Variants in GPC5 observed in about 807,000 individuals in gnomAD.
The protein encoded by GPC5 is glypican-5.
GPC5 carries 47 observed loss-of-function variants against 53.9 expected under a neutral mutation model. That is an observed-to-expected ratio of 0.87 (90% CI 0.69 to 1.11). GPC5 has a LOEUF of 1.11. Ranked by LOEUF, GPC5 falls within the 50% of genes most tolerant of loss-of-function variation. GPC5 has a pLI of 0.00. For missense variants in GPC5, 748 were observed against 713.1 expected, an observed-to-expected ratio of 1.05 and a Z score of -0.56; for synonymous variants, 286 against 263.3, an observed-to-expected ratio of 1.09 and a Z score of -0.84.
intron 5 of GPC5, among the ~76,000 whole-genome samples, chr13:91,864,611 G>A (rs2039064603): frequency 6.6e-6 from 1 of 151,998 alleles, no homozygotes; most frequent in Non-Finnish European, 1.5e-5. Context: ...CTAAAAATGA[G>A]CAAAAGTTGT....
chr13:91,564,756 T>C (rs1474364245), intron 2 of GPC5, among the ~76,000 whole-genome samples: 2 of 152,154 alleles, frequency 1.3e-5, no homozygotes, highest in South Asian at 4.1e-4. Context: ...AATATGGGCT[T>C]TTGCAGTCTA....
chr13:92,396,592 C>T (rs972834841), intron 7 of GPC5, among the ~76,000 whole-genome samples: 1 of 151,900 alleles, frequency 6.6e-6, no homozygotes, highest in Non-Finnish European at 1.5e-5. Flanking sequence ...CATAGGTAAA[C>T]ATGTTCCATG....
intron 7 of GPC5, among the ~76,000 whole-genome samples, chr13:92,802,388 T>C (rs1876938249): frequency 6.6e-6 from 1 of 150,880 alleles, no homozygotes; most frequent in African/African-American, 2.4e-5. Context: ...GGACTATGTC[T>C]TTTTTTTTGT....
chr13:92,746,717 G>A (rs1889249743), intron 7 of GPC5, among the ~76,000 whole-genome samples: 1 of 152,030 alleles, frequency 6.6e-6, no homozygotes, highest in African/African-American at 2.4e-5. Flanking sequence ...CCTGATGTGG[G>A]TAACATTCAT....
intron 2 of GPC5, among the ~76,000 whole-genome samples, chr13:91,673,583 T>C (rs1379101170): frequency 6.6e-6 from 1 of 152,166 alleles, no homozygotes; most frequent in East Asian, 1.9e-4. Flanking sequence ...CTTAGCGTGA[T>C]GGTGATGCAG....
At chr13:92,462,738 C>T (rs1285323309) in intron 7 of GPC5, among the ~76,000 whole-genome samples, 6 of 149,446 alleles carry the variant, frequency 4.0e-5, no homozygotes, top group East Asian at 3.9e-4. Context: ...TTTTTTCGCC[C>T]GGAGTTTTTC....
At chr13:91,538,581 A>ATT (rs11374916) in intron 2 of GPC5, among the ~76,000 whole-genome samples, 3,174 of 129,208 alleles carry the variant, frequency 0.025, 90 homozygotes, top group African/African-American at 0.055. Context: ...ATTGCAAATA[A>ATT]TTTTTTTTTT....
chr13:91,763,822 G>A (rs2037466921), intron 5 of GPC5, among the ~76,000 whole-genome samples: 1 of 152,092 alleles, frequency 6.6e-6, no homozygotes, highest in Non-Finnish European at 1.5e-5. Flanking sequence ...TGGTATCCAT[G>A]GGGAATTGTG....
At chr13:92,110,586 G>A (rs1256686091) in intron 6 of GPC5, among the ~76,000 whole-genome samples, 1 of 151,708 alleles carries the variant, frequency 6.6e-6, no homozygotes, top group African/African-American at 2.4e-5. Flanking sequence ...GAGGAAAATT[G>A]GTACTTGCCA....
chr13:91,611,093 C>T (rs1021702492), intron 2 of GPC5, among the ~76,000 whole-genome samples: 3 of 152,042 alleles, frequency 2.0e-5, no homozygotes, highest in African/African-American at 7.2e-5. Context: ...TTAGAATGTT[C>T]AGTAATATAA....
At chr13:91,456,861 A>G (rs1242847337) in intron 2 of GPC5, among the ~76,000 whole-genome samples, 1 of 150,982 alleles carries the variant, frequency 6.6e-6, no homozygotes, top group East Asian at 1.9e-4. Flanking sequence ...AATGGTATCA[A>G]CTAACATATT....
intron 5 of GPC5, among the ~76,000 whole-genome samples, chr13:91,906,860 G>A (rs935665785): frequency 2.0e-5 from 3 of 151,900 alleles, no homozygotes; most frequent in Non-Finnish European, 4.4e-5. Flanking sequence ...GTGAACCTAG[G>A]TGAAAGTGGA....
chr13:92,071,765 T>A (rs2041212993), intron 6 of GPC5, among the ~76,000 whole-genome samples: 1 of 150,676 alleles, frequency 6.6e-6, no homozygotes, highest in South Asian at 2.1e-4. Flanking sequence ...ATATGTTTTT[T>A]CAAGAGAAAA....
At chr13:92,311,298 C>T (rs774825958) in intron 7 of GPC5, among the ~76,000 whole-genome samples, 3 of 152,134 alleles carry the variant, frequency 2.0e-5, no homozygotes, top group African/African-American at 4.8e-5. Context: ...GAGAAAAGAG[C>T]AGTGAAGATG....
intron 7 of GPC5, among the ~76,000 whole-genome samples, chr13:92,584,470 G>A (rs1392913313): frequency 6.6e-6 from 1 of 152,146 alleles, no homozygotes; most frequent in East Asian, 1.9e-4. Context: ...TTTATAAGCA[G>A]CAAAGCATTC....
chr13:91,970,638 A>T (rs2139090271), intron 6 of GPC5, among the ~76,000 whole-genome samples: 1 of 152,158 alleles, frequency 6.6e-6, no homozygotes, highest in Non-Finnish European at 1.5e-5. Context: ...AATAGTGAAA[A>T]CATCAATACC....
chr13:92,232,023 G>T (rs1227020467), intron 7 of GPC5, among the ~76,000 whole-genome samples: 1 of 152,044 alleles, frequency 6.6e-6, no homozygotes, highest in African/African-American at 2.4e-5. Context: ...TAAAGTTGTG[G>T]CACCTATCTT....
At chr13:91,800,064 T>A (rs1218510419) in intron 5 of GPC5, among the ~76,000 whole-genome samples, 1 of 152,018 alleles carries the variant, frequency 6.6e-6, no homozygotes, top group Admixed American at 6.5e-5. Flanking sequence ...ATTCTAAACT[T>A]AATTTATTAA....
intron 2 of GPC5, among the ~76,000 whole-genome samples, chr13:91,689,930 A>G (rs1047369235): frequency 1.3e-5 from 2 of 152,232 alleles, no homozygotes; most frequent in Non-Finnish European, 2.9e-5. Flanking sequence ...AAAGTTGTTT[A>G]TTATCATTAT....
Sources: gnomAD v4.1 joint callset for allele counts (sites outside exome capture counted in the v4.1 genomes callset) on GRCh38, gnomAD v4.1.1 for gene constraint, MANE v1.5 for transcripts, NCBI Gene and HGNC (gene_info 2026-07-23, HGNC 2026-07-21) for gene names.